SLCO5A1: variants seen among roughly 807,000 people sequenced by gnomAD.
The protein encoded by SLCO5A1 is organic anion transporter polypeptide-related protein 4.
SLCO5A1 carries 39 observed loss-of-function variants against 65.1 expected under a neutral mutation model. The ratio of observed to expected loss-of-function variants is 0.60; its 90% confidence interval spans 0.46 to 0.78. The LOEUF (loss-of-function observed/expected upper bound fraction) is 0.78. Among genes scored for constraint, SLCO5A1 ranks in the 30% least tolerant of loss-of-function variants. The probability of loss-of-function intolerance (pLI) is 0.00; values close to 1 mark genes in which losing one functional copy is unlikely to be tolerated. For missense variants in SLCO5A1, 1,029 were observed against 1,069.4 expected (o/e 0.96, Z 0.53); for synonymous variants, 438 against 415.7 (o/e 1.05, Z -0.65).
At chr8:69,741,426 T>C (rs1283426711) in intron 4 of SLCO5A1, among the ~76,000 whole-genome samples, 1 of 152,224 alleles carries the variant, frequency 6.6e-6, no homozygotes, top group African/African-American at 2.4e-5. Flanking sequence ...GTACCCTCCG[T>C]AGGAGTGAAG....
intron 2 of SLCO5A1, among the ~76,000 whole-genome samples, chr8:69,804,316 T>G (rs551885638): frequency 1.8e-4 from 28 of 152,030 alleles, no homozygotes; most frequent in Admixed American, 1.4e-3. Flanking sequence ...ATTGTTTTTG[T>G]TTTTTTGTTT....
At chr8:69,822,627 A>G (rs911253740) in intron 2 of SLCO5A1, among the ~76,000 whole-genome samples, 4 of 152,190 alleles carry the variant, frequency 2.6e-5, no homozygotes, top group African/African-American at 9.6e-5. Flanking sequence ...CCCACACCCT[A>G]GGATAAGTTT....
At chr8:69,793,634 C>T (rs1473892749) in intron 2 of SLCO5A1, among the ~76,000 whole-genome samples, 14 of 151,762 alleles carry the variant, frequency 9.2e-5, no homozygotes, top group Non-Finnish European at 2.1e-4. Flanking sequence ...AAAAATTAAC[C>T]GGGTGTGGTG....
chr8:69,673,325 TGC>T lies in SLCO5A1; in HGVS notation c.2090-1_2090del, dbSNP rs779338510. Reference sequence around the variant, plus strand: ...CAAAGTAGATTGGAGTAGGAATGTATGCTAGAGGGGTGGAGAAGAAGAAAATA... The same window carrying T: ...CAAAGTAGATTGGAGTAGGAATGTATTAGAGGGGTGGAGAAGAAGAAAATA... On this transcript the variant is annotated splice_acceptor_variant and coding_sequence_variant, in exon 10 of 10. Coordinates refer to ENST00000260126, the MANE Select transcript of SLCO5A1 (RefSeq NM_030958.3). LOFTEE classifies it high-confidence loss of function. 5.6e-6 allele frequency: 9 copies of T among 1,608,620 alleles called. 1 individual carries two copies. The South Asian group carries it at 9.9e-5, about 18-fold the overall frequency.
chr8:69,763,420 G>C (rs1817894605), intron 2 of SLCO5A1, among the ~76,000 whole-genome samples: 1 of 151,590 alleles, frequency 6.6e-6, no homozygotes. Context: ...TTCGAGACCA[G>C]CCTGGCCAAC....
At chr8:69,790,048 C>T (rs1402852878) in intron 2 of SLCO5A1, among the ~76,000 whole-genome samples, 1 of 151,900 alleles carries the variant, frequency 6.6e-6, no homozygotes, top group Non-Finnish European at 1.5e-5. Context: ...CAAAAATTAG[C>T]TGGGCATGGT....
chr8:69,735,194 A>G (rs1210004890), intron 5 of SLCO5A1, among the ~76,000 whole-genome samples: 1 of 152,240 alleles, frequency 6.6e-6, no homozygotes, highest in Non-Finnish European at 1.5e-5. Context: ...GGCTGTAGAG[A>G]AATAGGAACG....
intron 2 of SLCO5A1, among the ~76,000 whole-genome samples, chr8:69,831,259 TAAAAA>T: frequency 1.9e-5 from 1 of 51,544 alleles, no homozygotes; most frequent in Non-Finnish European, 4.1e-5. Flanking sequence ...GACTCCATCT[TAAAAA>T]GAAAAAAAAA....
At chr8:69,755,703 A>C in intron 3 of SLCO5A1, 62 bp from the exon 4 acceptor site, 1 of 1,444,338 alleles carries the variant, frequency 6.9e-7, no homozygotes. Context: ...AGAACAAATT[A>C]GTAAAGCAGA....
rs771578319 is a variant in SLCO5A1 at position 69,832,567 on chromosome 8, T to G, written c.107A>C (p.Lys36Thr). The G allele has an allele frequency of 6.2e-7, 1 of 1,612,222 alleles. No individual in the cohort carries two copies. The highest frequency in any genetic ancestry group is 2.2e-5 in the East Asian group (1 of 44,870). The change falls in exon 2 of 10, where the codon AAG becomes ACG. Residue 36 changes from lysine (K) to threonine (T), a missense_variant. Lys to Thr is a moderately conservative substitution (Grantham distance 78, BLOSUM62 -1). Around this residue, in one of 3 missense-constraint regions of SLCO5A1, gnomAD observed 647 missense variants for 647.5 expected, o/e 1.00. Coordinates refer to ENST00000260126, the MANE Select transcript of SLCO5A1 (RefSeq NM_030958.3). This position sits in a 1 kb window ranked among gnomAD's most constrained non-coding sequence, Gnocchi z 4.5. ...ERCEPETLRS[K>T]SLPVLSSASC... ...GGCGCTGCTGAGGACCGGTAAACTC[T>G]TAGACCTGAGGGTCTCCGGCTCGCA... is the stretch of plus-strand genomic sequence containing the variant.
At chr8:69,804,470 C>A (rs1819902159) in intron 2 of SLCO5A1, among the ~76,000 whole-genome samples, 1 of 152,058 alleles carries the variant, frequency 6.6e-6, no homozygotes, top group South Asian at 2.1e-4. Flanking sequence ...CAGGCCACCA[C>A]ACCCCTGACT....
intron 5 of SLCO5A1, among the ~76,000 whole-genome samples, chr8:69,721,177 ACTGGACTGCC>A: frequency 3.3e-5 from 1 of 30,494 alleles, no homozygotes; most frequent in South Asian, 1.9e-3. Flanking sequence ...AGACATAATA[ACTGGACTGCC>A]ACTTTGGACT....
chr8:69,818,283 T>G (rs929055872), intron 2 of SLCO5A1, among the ~76,000 whole-genome samples: 2 of 152,228 alleles, frequency 1.3e-5, no homozygotes, highest in African/African-American at 4.8e-5. Context: ...AGAGAGAGAC[T>G]TCTTGCCACT....
At chr8:69,778,394 T>C (rs1419409877) in intron 2 of SLCO5A1, among the ~76,000 whole-genome samples, 1 of 152,136 alleles carries the variant, frequency 6.6e-6, no homozygotes, top group Non-Finnish European at 1.5e-5. Flanking sequence ...CACAACTCTA[T>C]ACATTTACAT....
intron 2 of SLCO5A1, among the ~76,000 whole-genome samples, chr8:69,799,240 C>T (rs1202126865): frequency 6.6e-6 from 1 of 152,094 alleles, no homozygotes; most frequent in Non-Finnish European, 1.5e-5. Flanking sequence ...AAAAAGAATT[C>T]TCATCTGGTA....
At chr8:69,760,923 G>A (rs1817742163) in intron 3 of SLCO5A1, among the ~76,000 whole-genome samples, 1 of 152,094 alleles carries the variant, frequency 6.6e-6, no homozygotes, top group Admixed American at 6.5e-5. Context: ...ATATTAGCAA[G>A]AAAAAAGGGT....
intron 3 of SLCO5A1, 53 bp from the exon 4 acceptor site, chr8:69,755,694 G>C: frequency 6.8e-7 from 1 of 1,475,212 alleles, no homozygotes; most frequent in Admixed American, 2.2e-5. Flanking sequence ...TTGTGAGTGA[G>C]AACAAATTAG....
intron 5 of SLCO5A1, among the ~76,000 whole-genome samples, chr8:69,719,397 A>T: frequency 6.6e-6 from 1 of 152,230 alleles, no homozygotes; most frequent in Non-Finnish European, 1.5e-5. Context: ...CCTACTGTCT[A>T]TGAGAACTTA....
In SLCO5A1 at chr8:69,738,198, G is replaced by A. The variant is rs754260094; in HGVS notation, c.1265C>T (p.Pro422Leu). ...GCTTAAGATCCTGACAGCTGCTCTT[G>A]GTAGGTCTACAAAATGACAAAAATG... ...MGFGKDVRDL[P>L]RAAVRILSNM... Residue 422 changes from proline (P) to leucine (L), a missense_variant, in exon 5 of 10, where the codon CCA (proline) becomes CTA (leucine). Transcript: ENST00000260126. 1 of 1,598,026 alleles carries A rather than the reference G, an allele frequency of 6.3e-7. No individual in the cohort carries two copies. The highest frequency in any genetic ancestry group is 8.5e-7 in the Non-Finnish European group (1 of 1,171,200).
Sources: allele counts gnomAD v4.1 joint callset (sites outside exome capture counted in the v4.1 genomes callset), GRCh38; gene constraint gnomAD v4.1.1; regional missense constraint gnomAD v4.1.1; non-coding constraint Gnocchi (gnomAD v3.1); transcripts MANE v1.5; gene names NCBI Gene and HGNC (gene_info 2026-07-23, HGNC 2026-07-21).